COL24A1: variants seen among roughly 807,000 people sequenced by gnomAD.
COL24A1 encodes the protein collagen alpha-1(XXIV) chain.
A neutral mutation model predicts 253.9 loss-of-function variants in COL24A1; 224 were observed. The ratio of observed to expected loss-of-function variants is 0.88; its 90% CI spans 0.79 to 0.99. COL24A1 has a LOEUF of 0.99. Among genes scored for constraint, COL24A1 ranks in the 50% least tolerant of loss-of-function variants. The pLI is 0.00. For missense variants in COL24A1, 2,131 were observed against 2,068.5 expected (o/e 1.03, Z -0.59); for synonymous variants, 685 against 673.7 (o/e 1.02, Z -0.26).
chr1:85,773,955 C>T (rs1225130612), intron 53 of COL24A1, among the ~76,000 whole-genome samples: 1 of 152,058 alleles, frequency 6.6e-6, no homozygotes, highest in Non-Finnish European at 1.5e-5. Context: ...TGGCAGTTTT[C>T]AAAGGGAATG....
At chr1:85,951,008 C>T (rs967036519) in intron 24 of COL24A1, among the ~76,000 whole-genome samples, 4 of 152,166 alleles carry the variant, frequency 2.6e-5, no homozygotes, top group African/African-American at 9.7e-5. Context: ...TATTCTCATG[C>T]TGTTGTTCCC....
chr1:85,849,593 T>C (rs1017610020), intron 37 of COL24A1, among the ~76,000 whole-genome samples, 187 bp from the exon 38 acceptor site: 1 of 152,144 alleles, frequency 6.6e-6, no homozygotes, highest in African/African-American at 2.4e-5. Flanking sequence ...GTAGCTGTTA[T>C]TAGCTATAAA....
At chr1:86,039,697 C>A (rs1020616036) in intron 12 of COL24A1, among the ~76,000 whole-genome samples, 3 of 152,136 alleles carry the variant, frequency 2.0e-5, no homozygotes, top group Non-Finnish European at 4.4e-5. Context: ...AACACAGGAT[C>A]AGACTAACTT....
intron 19 of COL24A1, among the ~76,000 whole-genome samples, chr1:85,998,916 C>T (rs1695132363): frequency 6.6e-6 from 1 of 152,096 alleles, no homozygotes; most frequent in Admixed American, 6.5e-5. Flanking sequence ...GTGCTTTTGC[C>T]AAGAGTAATA....
At chr1:86,033,562 A>G (rs1302112194) in intron 13 of COL24A1, among the ~76,000 whole-genome samples, 1 of 152,168 alleles carries the variant, frequency 6.6e-6, no homozygotes, top group African/African-American at 2.4e-5. Flanking sequence ...ATTTTTATAT[A>G]AGGCTTGTTA....
Position 85,868,536 on chromosome 1 carries a change from C to A in COL24A1, c.3283G>T (p.Gly1095Cys). 3 of 1,613,678 alleles carry A rather than the reference C, an allele frequency of 1.9e-6. No homozygotes were observed. The highest frequency in any genetic ancestry group is 2.5e-6 in the Non-Finnish European group (3 of 1,179,716). ...GTACTTACCGGAAGGCCTGTTTGGCCTGATCTACCCAAGGGTCCTATAATT... is the reference window on the plus strand; with the variant it reads ...GTACTTACCGGAAGGCCTGTTTGGCATGATCTACCCAAGGGTCCTATAATT... ...PGIIGPLGRSGQTGLPGPEGI... is the reference protein window; with the variant it reads ...PGIIGPLGRSCQTGLPGPEGI... The change falls in exon 37 of 60, where the codon GGC (glycine) becomes TGC (cysteine). Residue 1095 changes from glycine to cysteine, a missense_variant. Transcript: ENST00000370571.
intron 7 of COL24A1, among the ~76,000 whole-genome samples, chr1:86,079,112 G>C (rs1702452127): frequency 6.6e-6 from 1 of 152,068 alleles, no homozygotes; most frequent in Admixed American, 6.6e-5. Flanking sequence ...CAGACACACA[G>C]ACAAAAGTAA....
At chr1:86,117,472 T>C (rs918002345) in intron 3 of COL24A1, among the ~76,000 whole-genome samples, 3 of 152,210 alleles carry the variant, frequency 2.0e-5, no homozygotes, top group Admixed American at 6.5e-5. Context: ...CTATAGTGTA[T>C]AAGCCTCCTA....
At chr1:85,823,837 C>A in intron 43 of COL24A1, 99 bp from the exon 44 acceptor site, 2 of 1,063,870 alleles carry the variant, frequency 1.9e-6, no homozygotes, top group South Asian at 1.4e-5. Context: ...TGTTGCAAAG[C>A]TCAACTTAAA....
At chr1:86,107,123 A>G (rs1571939545) in intron 5 of COL24A1, among the ~76,000 whole-genome samples, 1 of 152,318 alleles carries the variant, frequency 6.6e-6, no homozygotes, top group East Asian at 1.9e-4. Flanking sequence ...TTAAGGTGGT[A>G]TTTTATAAAA....
intron 8 of COL24A1, among the ~76,000 whole-genome samples, chr1:86,063,510 A>C (rs1026666567): frequency 6.6e-6 from 1 of 152,126 alleles, no homozygotes; most frequent in African/African-American, 2.4e-5. Context: ...AAAAGTAAAA[A>C]ATGATTAACA....
In COL24A1 at chr1:85,736,043, ATATT is replaced by A. The variant is rs1161434995; in HGVS notation, c.4783-1083_4783-1080del. The A allele has an allele frequency of 2.0e-5, 5 of 245,254 alleles. No individual in the cohort carries two copies. In the East Asian group the frequency reaches 4.6e-4, roughly 22 times the overall value. The allele number at this position is 245,254 out of a possible 1,614,324, so 15.2% of individuals were successfully genotyped here. A position where few individuals can be genotyped will look rare whatever the true frequency, so the allele number is the denominator to read the frequency against. On this transcript the variant is annotated intron_variant, in intron 58 of 59. Coordinates refer to ENST00000370571, the MANE Select transcript of COL24A1 (RefSeq NM_152890.7). ...GATTAGAGTCAGAAACTTGCAAACA[ATATT>A]TAAGCTTTCTGAGCCTTAATTTCCT...
At chr1:85,789,588 T>C (rs1271300596) in intron 47 of COL24A1, among the ~76,000 whole-genome samples, 3 of 152,256 alleles carry the variant, frequency 2.0e-5, no homozygotes, top group South Asian at 4.1e-4. Context: ...CAATACTATG[T>C]TGAATAGGAG....
At chr1:85,841,423 G>A (rs780092584) in intron 41 of COL24A1, 145 bp from the exon 42 acceptor site, 2 of 581,690 alleles carry the variant, frequency 3.4e-6, no homozygotes, top group African/African-American at 2.0e-5. Context: ...AAGAAACTAA[G>A]CCTATGATAT....
intron 24 of COL24A1, among the ~76,000 whole-genome samples, chr1:85,958,377 T>A (rs1008661926): frequency 5.3e-5 from 8 of 152,150 alleles, no homozygotes; most frequent in African/African-American, 1.9e-4. Context: ...TACTATTTTT[T>A]ATAGAATGCA....
At chr1:85,770,800 A>G (rs896784805) in intron 53 of COL24A1, among the ~76,000 whole-genome samples, 6 of 152,220 alleles carry the variant, frequency 3.9e-5, no homozygotes, top group African/African-American at 1.4e-4. Context: ...CTTTGGTCAC[A>G]AAAGTGCTGT....
chr1:85,866,375 C>T lies in COL24A1; in HGVS notation c.3300+2144G>A, dbSNP rs184377990. On this transcript the variant is annotated intron_variant, in intron 37 of 59. Transcript: ENST00000370571. ...TCTTAGCTTTTTCTAAGTTTTTTCCCAGTTGTAAAATAGGGAATAATAACA... is the reference window on the plus strand; with the variant it reads ...TCTTAGCTTTTTCTAAGTTTTTTCCTAGTTGTAAAATAGGGAATAATAACA... Among the ~76,000 whole-genome samples, 397 of 152,142 alleles carry T rather than the reference C, an allele frequency of 2.6e-3. 1 individual carries two copies. The highest frequency in any genetic ancestry group is 7.9e-3 in the African/African-American group (329 of 41,490).
At chr1:86,146,055 T>C in intron 2 of COL24A1, 64 bp downstream of exon 2, 1 of 1,292,718 alleles carries the variant, frequency 7.7e-7, no homozygotes, top group Non-Finnish European at 1.1e-6. Context: ...GAAAGTTATG[T>C]ACTTTTGCTG....
intron 47 of COL24A1, among the ~76,000 whole-genome samples, chr1:85,790,752 T>C (rs1670193089): frequency 6.6e-6 from 1 of 152,206 alleles, no homozygotes; most frequent in Non-Finnish European, 1.5e-5. Context: ...AAATGAATTT[T>C]CTTATTGAAT....
Sources: gnomAD v4.1 joint callset for allele counts (sites outside exome capture counted in the v4.1 genomes callset) on GRCh38, gnomAD v4.1.1 for gene constraint, MANE v1.5 for transcripts, NCBI Gene and HGNC (gene_info 2026-07-23, HGNC 2026-07-21) for gene names.